EPS15: variants seen among roughly 807,000 people sequenced by gnomAD.
EPS15 encodes epidermal growth factor receptor substrate 15.
In EPS15, 72 loss-of-function variants were observed where a neutral mutation model predicts 113.8. The ratio of observed to expected loss-of-function variants is 0.63; its 90% CI spans 0.52 to 0.77. EPS15 has a LOEUF of 0.77. EPS15 is among the 30% of genes least tolerant of loss of function. The pLI, the probability that EPS15 is intolerant of heterozygous loss-of-function variation, is 0.00. For synonymous variants in EPS15, 344 were observed against 363.4 expected (o/e 0.95, Z 0.61); for missense variants, 1,048 against 1,045.8 (o/e 1.00, Z -0.03).
intron 15 of EPS15, among the ~76,000 whole-genome samples, chr1:51,406,516 G>T (rs1264491047): frequency 6.6e-6 from 1 of 152,106 alleles, no homozygotes; most frequent in Non-Finnish European, 1.5e-5. Context: ...ACTTGGTCTA[G>T]GATACATTTG....
intron 1 of EPS15, among the ~76,000 whole-genome samples, chr1:51,508,266 G>GAGAGAA (rs773652349): frequency 7.8e-5 from 10 of 129,022 alleles, no homozygotes; most frequent in Admixed American, 1.5e-4. Context: ...GAGAGAGAGA[G>GAGAGAA]AGAGAGAAAG....
rs112453323 is a variant in EPS15 at position 51,368,375 on chromosome 1, A to G, written c.2120-2346T>C. The stretch of plus-strand genomic sequence containing the variant: ...CAAGTGGGAAAAAGGAGTGGGTGGA[A>G]GCATAGAGAAATCAGGCCTTTAGGG... On this transcript the variant is annotated intron_variant, in intron 21 of 24. Coordinates refer to ENST00000371733, the MANE Select transcript of EPS15 (RefSeq NM_001981.3). 7.1e-3 allele frequency among the ~76,000 whole-genome samples: 1,079 copies of G among 152,266 alleles called. 7 individuals are homozygous for G. Among genetic ancestry groups the G allele is most frequent in the African/African-American group, 0.025 (1,036 of 41,564 alleles).
At chr1:51,472,018 T>C (rs1012486758) in intron 3 of EPS15, among the ~76,000 whole-genome samples, 2 of 152,104 alleles carry the variant, frequency 1.3e-5, no homozygotes, top group African/African-American at 4.8e-5. Flanking sequence ...ATTTTTTTTT[T>C]TTTTGATCAT....
chr1:51,491,888 A>T (rs1360729822), intron 1 of EPS15, among the ~76,000 whole-genome samples: 2 of 142,058 alleles, frequency 1.4e-5, no homozygotes, highest in African/African-American at 5.4e-5. Context: ...TTTGAGACAG[A>T]GTGTTGCCCA....
At chr1:51,494,197 G>A (rs1282211550) in intron 1 of EPS15, among the ~76,000 whole-genome samples, 2 of 152,106 alleles carry the variant, frequency 1.3e-5, no homozygotes, top group African/African-American at 4.8e-5. Context: ...TTGTCCCATA[G>A]TAAAATCCTT....
chr1:51,424,835 G>A (rs1007864959), intron 12 of EPS15, among the ~76,000 whole-genome samples: 19 of 152,000 alleles, frequency 1.3e-4, no homozygotes, highest in South Asian at 4.1e-4. Context: ...CTCAGAAGGC[G>A]GAAGCTGCAG....
At chr1:51,432,138 C>T (rs1260280477) in intron 12 of EPS15, among the ~76,000 whole-genome samples, 2 of 152,092 alleles carry the variant, frequency 1.3e-5, no homozygotes, top group Non-Finnish European at 2.9e-5. Context: ...TTGGTAGATG[C>T]TTTTGCTTTC....
chr1:51,400,969 C>A lies in EPS15; in HGVS notation c.1883-16G>T. 1 of 1,561,348 alleles carries A rather than the reference C, an allele frequency of 6.4e-7. No individual in the cohort carries two copies. The highest frequency in any genetic ancestry group is 8.7e-7 in the Non-Finnish European group (1 of 1,147,192). ...AAAGGATCACCTGTGATAAAATAAA[C>A]ACAAAGAAATCCAAATAACAATATT... On this transcript the variant is annotated splice_polypyrimidine_tract_variant and intron_variant, in intron 18 of 24. Transcript: ENST00000371733.
chr1:51,355,611 T>G lies in EPS15; in HGVS notation c.*1089A>C, dbSNP rs1231481679. On this transcript the variant is annotated 3_prime_UTR_variant, in exon 25 of 25. Coordinates refer to ENST00000371733, the MANE Select transcript of EPS15 (RefSeq NM_001981.3). ...AAAAACATGAAGTGAGTAAATAAAC[T>G]AAACCACAAAGATGGACAAAAAGCA... The G allele has an allele frequency of 5.3e-6, 1 of 190,246 alleles. No individual in the cohort carries two copies. The allele number at this position is 190,246 out of a possible 1,614,324, so 11.8% of individuals were successfully genotyped here. A position where few individuals can be genotyped will look rare whatever the true frequency, so the allele number is the denominator to read the frequency against.
chr1:51,425,632 A>G (rs1286397527), intron 12 of EPS15, among the ~76,000 whole-genome samples: 2 of 152,260 alleles, frequency 1.3e-5, no homozygotes, highest in Non-Finnish European at 2.9e-5. Context: ...AAATGGTATC[A>G]TTAAGTAGCT....
chr1:51,413,874 A>T (rs185247063), intron 13 of EPS15, among the ~76,000 whole-genome samples: 20 of 152,056 alleles, frequency 1.3e-4, no homozygotes, highest in Non-Finnish European at 2.8e-4. Context: ...TCAGCCTCCC[A>T]AGTAGCTGAG....
Position 51,361,382 on chromosome 1 carries a change from C to A in EPS15, c.2360-27G>T, listed in dbSNP as rs200593303. ...TGGATCAAAATCATTACAATTAATT[C>A]AACCAGTAAATACAGCAAATACAAG... is the stretch of plus-strand genomic sequence containing the variant. On this transcript the variant is annotated intron_variant, in intron 23 of 24. Coordinates refer to ENST00000371733, the MANE Select transcript of EPS15 (RefSeq NM_001981.3). 268 of 1,568,148 alleles carry A rather than the reference C, an allele frequency of 1.7e-4. 2 individuals are homozygous for A. The South Asian group carries it at 2.8e-3, about 17-fold the overall frequency.
Position 51,400,947 on chromosome 1 carries a change from G to A in EPS15, c.1889C>T (p.Pro630Leu), listed in dbSNP as rs769359977. Residue 630 changes from proline (P) to leucine (L), a missense_variant, in exon 19 of 25, where the codon CCT becomes CTT. Physicochemically the swap from Pro to Leu is moderately conservative, Grantham distance 98. Transcript: ENST00000371733. ...FQSDPFVGSD[P>L]FKDDPFGKID... is the part of the protein sequence containing the mutation. Reference sequence around the variant, plus strand: ...TTTTCCAAAAGGATCATCCTTGAAAGGATCACCTGTGATAAAATAAACACA... The same window carrying A: ...TTTTCCAAAAGGATCATCCTTGAAAAGATCACCTGTGATAAAATAAACACA... The A allele has an allele frequency of 6.3e-7, 1 of 1,582,326 alleles. No homozygotes were observed. The highest frequency in any genetic ancestry group is 1.2e-5 in the South Asian group (1 of 86,740).
At chr1:51,388,198 A>AATG (rs1647144175) in intron 21 of EPS15, among the ~76,000 whole-genome samples, 2 of 152,256 alleles carry the variant, frequency 1.3e-5, no homozygotes, top group South Asian at 4.1e-4. Flanking sequence ...ATGGAAACTG[A>AATG]ACAACCTGCT....
At chr1:51,417,208 T>C (rs1023958924) in intron 13 of EPS15, among the ~76,000 whole-genome samples, 2 of 152,066 alleles carry the variant, frequency 1.3e-5, no homozygotes, top group Non-Finnish European at 2.9e-5. Flanking sequence ...TGAATTAAAA[T>C]AAAAAACATG....
chr1:51,426,967 T>C (rs1651279109), intron 12 of EPS15, among the ~76,000 whole-genome samples: 1 of 152,018 alleles, frequency 6.6e-6, no homozygotes, highest in African/African-American at 2.4e-5. Context: ...CGCCCACTTA[T>C]ACCTTTACTC....
At chr1:51,446,135 A>T (rs1048130671) in intron 10 of EPS15, among the ~76,000 whole-genome samples, 1 of 152,208 alleles carries the variant, frequency 6.6e-6, no homozygotes, top group African/African-American at 2.4e-5. Flanking sequence ...TGAAAACCTG[A>T]AGATAACCTC....
intron 8 of EPS15, among the ~76,000 whole-genome samples, chr1:51,451,452 C>T (rs148344779): frequency 0.034 from 4,621 of 133,976 alleles, 126 homozygotes; most frequent in Non-Finnish European, 0.05. Flanking sequence ...GATTGTGCCA[C>T]TGCACTCCAG....
intron 12 of EPS15, 100 bp from the exon 13 acceptor site, chr1:51,421,958 G>A: frequency 6.7e-7 from 1 of 1,502,068 alleles, no homozygotes; most frequent in Non-Finnish European, 9.0e-7. Context: ...TAAATACATA[G>A]TGAAACATTC....
Sources: allele counts gnomAD v4.1 joint callset (sites outside exome capture counted in the v4.1 genomes callset), GRCh38; gene constraint gnomAD v4.1.1; transcripts MANE v1.5; gene names NCBI Gene and HGNC (gene_info 2026-07-23, HGNC 2026-07-21).